Variants in JPH3 observed in about 807,000 individuals in gnomAD.
The protein encoded by JPH3 is junctophilin-3.
JPH3 carries 11 observed loss-of-function variants against 59.6 expected under a neutral mutation model. The ratio of observed to expected loss-of-function variants is 0.18; its 90% CI spans 0.12 to 0.31. The LOEUF (loss-of-function observed/expected upper bound fraction) is 0.31. Among genes scored for constraint, JPH3 ranks in the 10% least tolerant of loss-of-function variants. The pLI, the probability that JPH3 is intolerant of heterozygous loss-of-function variation, is 1.00. For missense variants in JPH3, 1,202 were observed against 1,105.7 expected (o/e 1.09, Z -1.24); for synonymous variants, 673 against 483.6 (o/e 1.39, Z -5.14).
intron 4 of JPH3, among the ~76,000 whole-genome samples, chr16:87,693,060 T>G (rs1055890585): frequency 6.6e-6 from 1 of 152,214 alleles, no homozygotes; most frequent in Non-Finnish European, 1.5e-5. Context: ...CCAACCAAGT[T>G]GTCATGGGGC....
intron 1 of JPH3, among the ~76,000 whole-genome samples, chr16:87,622,738 A>ACC (rs5818640): frequency 1.7e-3 from 255 of 146,288 alleles, no homozygotes; most frequent in South Asian, 0.015. Context: ...GATAAATCAG[A>ACC]CCCCCCCCCG....
chr16:87,638,997 C>G (rs2031849528), intron 1 of JPH3, among the ~76,000 whole-genome samples: 1 of 152,210 alleles, frequency 6.6e-6, no homozygotes, highest in Non-Finnish European at 1.5e-5. Flanking sequence ...GATCCAGACT[C>G]TGCCTCAGGT....
rs1263775669 is a variant in JPH3 at position 87,620,479 on chromosome 16, A to AGAGAGAGAGAAGGAG, written c.382+16951_382+16952insGAGAGAGAGAAGGAG. 7.7e-5 allele frequency among the ~76,000 whole-genome samples: 8 copies of AGAGAGAGAGAAGGAG among 103,704 alleles called. No homozygotes were observed. The East Asian group carries it at 2.5e-3, about 33-fold the overall frequency. The allele number at this position is 103,704 out of a possible 152,430, so 68.0% of individuals were successfully genotyped here. On this transcript the variant is annotated intron_variant, in intron 1 of 4. Transcript: ENST00000284262. The stretch of plus-strand genomic sequence containing the variant: ...AGGAGAGAGAGGGAGAGAAGGAGAG[A>AGAGAGAGAGAAGGAG]AGAGAGGGAGAGGGGGAGGGGAAGA...
At chr16:87,613,537 T>G (rs2030817150) in intron 1 of JPH3, among the ~76,000 whole-genome samples, 2 of 152,262 alleles carry the variant, frequency 1.3e-5, no homozygotes, top group South Asian at 4.1e-4. Flanking sequence ...GCCAGACTGG[T>G]CTTGAACTCT....
In JPH3 at chr16:87,689,832, C is replaced by T. The variant is rs768837258; in HGVS notation, c.1472C>T (p.Ala491Val). 6.5e-6 allele frequency: 10 copies of T among 1,546,426 alleles called. No homozygotes were observed. The highest frequency in any genetic ancestry group is 3.5e-6 in the Non-Finnish European group (4 of 1,147,854). ...PTSPAATPPP[A>V]PAARNKVAHF... Reference sequence around the variant, plus strand: ...AGCCCCGCGGCCACCCCGCCGCCCGCGCCCGCCGCCAGGAACAAGGTCGCC... The same window carrying T: ...AGCCCCGCGGCCACCCCGCCGCCCGTGCCCGCCGCCAGGAACAAGGTCGCC... Residue 491 changes from alanine (A) to valine (V), a missense_variant, in exon 4 of 5, where the codon GCG becomes GTG. Physicochemically the swap from Ala to Val is moderately conservative, Grantham distance 64. Transcript: ENST00000284262.
intron 1 of JPH3, among the ~76,000 whole-genome samples, chr16:87,616,492 C>T (rs12923435): frequency 0.4 from 60,006 of 150,868 alleles, 12,693 homozygotes; most frequent in South Asian, 0.53. Flanking sequence ...CCTCGTGATC[C>T]GCCCACCTCG....
At chr16:87,613,802 G>C (rs1210108295) in intron 1 of JPH3, among the ~76,000 whole-genome samples, 1 of 152,170 alleles carries the variant, frequency 6.6e-6, no homozygotes, top group Non-Finnish European at 1.5e-5. Context: ...ATTGTGCTGG[G>C]CATTTTATCA....
At chr16:87,685,918 T>C (rs890425897) in intron 3 of JPH3, among the ~76,000 whole-genome samples, 2 of 152,124 alleles carry the variant, frequency 1.3e-5, no homozygotes, top group African/African-American at 4.8e-5. Context: ...GGAGGGTCTG[T>C]GCAGGTGTCA....
intron 1 of JPH3, among the ~76,000 whole-genome samples, chr16:87,643,852 A>G (rs1364306495): frequency 6.9e-6 from 1 of 145,410 alleles, no homozygotes; most frequent in Non-Finnish European, 1.5e-5. Flanking sequence ...TCATCAAGAT[A>G]GCACACCAGG....
At chr16:87,685,358 GAC>G (rs1271903228) in intron 3 of JPH3, among the ~76,000 whole-genome samples, 1 of 152,218 alleles carries the variant, frequency 6.6e-6, no homozygotes, top group Admixed American at 6.5e-5. Context: ...GGCCCCTCCA[GAC>G]ACACGCACCC....
intron 2 of JPH3, among the ~76,000 whole-genome samples, chr16:87,661,236 T>C (rs2150859304): frequency 6.6e-6 from 1 of 152,340 alleles, no homozygotes; most frequent in Middle Eastern, 3.4e-3. Flanking sequence ...ACCCTTGTGG[T>C]TCGGGGTCAT....
chr16:87,685,187 C>G (rs571283103), intron 3 of JPH3, among the ~76,000 whole-genome samples: 4 of 152,208 alleles, frequency 2.6e-5, no homozygotes, highest in Non-Finnish European at 4.4e-5. Context: ...CACATCATCT[C>G]TAGAGGTGAC....
At chr16:87,610,229 G>A (rs905889917) in intron 1 of JPH3, among the ~76,000 whole-genome samples, 9 of 152,164 alleles carry the variant, frequency 5.9e-5, no homozygotes, top group African/African-American at 2.2e-4. Context: ...TTACTCACTC[G>A]CCACTCACCT....
chr16:87,629,584 G>A (rs1310958169), intron 1 of JPH3, among the ~76,000 whole-genome samples: 1 of 151,796 alleles, frequency 6.6e-6, no homozygotes, highest in Non-Finnish European at 1.5e-5. Flanking sequence ...GGATAAGCCC[G>A]TGTGAAGAGG....
chr16:87,635,503 C>G (rs2031708911), intron 1 of JPH3, among the ~76,000 whole-genome samples: 1 of 152,156 alleles, frequency 6.6e-6, no homozygotes, highest in South Asian at 2.1e-4. Flanking sequence ...GCTTTCGGAC[C>G]CAGACAATGC....
chr16:87,608,630 G>T (rs1003160309), intron 1 of JPH3, among the ~76,000 whole-genome samples: 1 of 152,168 alleles, frequency 6.6e-6, no homozygotes, highest in African/African-American at 2.4e-5. Context: ...TGCCTGGGTT[G>T]GGTGGACGGC....
intron 3 of JPH3, among the ~76,000 whole-genome samples, chr16:87,688,613 C>T (rs1274597752): frequency 3.3e-5 from 5 of 152,038 alleles, no homozygotes; most frequent in Non-Finnish European, 5.9e-5. Flanking sequence ...GTGGCCGCCC[C>T]GGGTAGAGCT....
chr16:87,687,822 T>C (rs2033454825), intron 3 of JPH3, among the ~76,000 whole-genome samples: 2 of 152,016 alleles, frequency 1.3e-5, no homozygotes, highest in Non-Finnish European at 1.5e-5. Context: ...GTGGACGACC[T>C]GGTGGGAAAG....
At chr16:87,613,497 T>A (rs1370935907) in intron 1 of JPH3, among the ~76,000 whole-genome samples, 1 of 151,116 alleles carries the variant, frequency 6.6e-6, no homozygotes. Context: ...ATTTTTGTAT[T>A]TTTGGTAGAG....
Sources: allele counts gnomAD v4.1 joint callset (sites outside exome capture counted in the v4.1 genomes callset), GRCh38; gene constraint gnomAD v4.1.1; transcripts MANE v1.5; gene names NCBI Gene and HGNC (gene_info 2026-07-23, HGNC 2026-07-21).